Variants in PDSS2 observed in about 807,000 individuals in gnomAD.
The protein encoded by PDSS2 is all trans-polyprenyl-diphosphate synthase PDSS2.
A neutral mutation model predicts 44.5 loss-of-function variants in PDSS2; 31 were observed. The observed-to-expected ratio is 0.70, with a 90% CI of 0.52 to 0.94. The LOEUF is 0.94. Ranked by LOEUF, PDSS2 falls within the 40% of genes least tolerant of loss-of-function variation. The pLI, the probability that PDSS2 is intolerant of heterozygous loss-of-function variation, is 0.00. For missense variants in PDSS2, 452 were observed against 482.2 expected (o/e 0.94, Z 0.59); for synonymous variants, 157 against 180.3 (o/e 0.87, Z 1.03).
At chr6:107,339,646 T>G (rs1168515576) in intron 1 of PDSS2, among the ~76,000 whole-genome samples, 1 of 151,974 alleles carries the variant, frequency 6.6e-6, no homozygotes, top group East Asian at 1.9e-4. Flanking sequence ...AAAGTAACTT[T>G]GCAGGAAAGT....
intron 1 of PDSS2, among the ~76,000 whole-genome samples, chr6:107,446,422 G>C (rs1402351838): frequency 2.6e-5 from 4 of 152,146 alleles, no homozygotes; most frequent in African/African-American, 4.8e-5. Context: ...AATAGCTATA[G>C]AACACTAAAA....
intron 2 of PDSS2, among the ~76,000 whole-genome samples, chr6:107,301,705 T>C (rs1323710588): frequency 2.0e-5 from 3 of 152,060 alleles, no homozygotes; most frequent in Non-Finnish European, 4.4e-5. Flanking sequence ...GGCTCACACC[T>C]GTAAGCCCAG....
intron 7 of PDSS2, among the ~76,000 whole-genome samples, chr6:107,158,872 G>C (rs542510577): frequency 5.3e-5 from 8 of 152,034 alleles, no homozygotes; most frequent in Admixed American, 3.9e-4. Context: ...GGGATTACAG[G>C]TGCCCACCGC....
At chr6:107,421,715 C>T (rs1205886666) in intron 1 of PDSS2, among the ~76,000 whole-genome samples, 3 of 150,934 alleles carry the variant, frequency 2.0e-5, no homozygotes, top group Admixed American at 1.3e-4. Context: ...TCTCAAAGTG[C>T]AACACCAGGA....
Position 107,193,808 on chromosome 6 carries a change from T to TA in PDSS2, c.1041+13dup. On this transcript the variant is annotated intron_variant, in intron 7 of 7. Transcript: ENST00000369037. Reference sequence around the variant, plus strand: ...AATGTGTAAAATAGTACAGTATGTATAAAATCTGCCTACCTTAGCATAGTC... The same window carrying TA: ...AATGTGTAAAATAGTACAGTATGTATAAAAATCTGCCTACCTTAGCATAGTC... 1 of 1,487,674 alleles carries TA rather than the reference T, an allele frequency of 6.7e-7. No homozygotes were observed. The highest frequency in any genetic ancestry group is 9.4e-7 in the Non-Finnish European group (1 of 1,064,446). The allele number at this position is 1,487,674 out of a possible 1,614,324, so 92.2% of individuals were successfully genotyped here. A position where few individuals can be genotyped will look rare whatever the true frequency, so the allele number is the denominator to read the frequency against.
chr6:107,211,644 C>A (rs535074046), intron 5 of PDSS2, among the ~76,000 whole-genome samples: 1 of 150,782 alleles, frequency 6.6e-6, no homozygotes, highest in Non-Finnish European at 1.5e-5. Flanking sequence ...GCAGGAGAAT[C>A]GCTTGAACCT....
At chr6:107,359,323 A>G (rs2114264305) in intron 1 of PDSS2, among the ~76,000 whole-genome samples, 1 of 151,960 alleles carries the variant, frequency 6.6e-6, no homozygotes, top group South Asian at 2.1e-4. Context: ...GTATTCTCTT[A>G]AAGATTACTT....
intron 1 of PDSS2, among the ~76,000 whole-genome samples, chr6:107,360,075 T>C (rs766178969): frequency 6.6e-6 from 1 of 152,192 alleles, no homozygotes; most frequent in East Asian, 1.9e-4. Flanking sequence ...TTGTTCTTGG[T>C]ATATAAATTT....
At chr6:107,399,307 A>G (rs973506081) in intron 1 of PDSS2, among the ~76,000 whole-genome samples, 3 of 152,188 alleles carry the variant, frequency 2.0e-5, no homozygotes, top group Admixed American at 6.5e-5. Context: ...CCATTTTCAG[A>G]GTTGTGACTA....
intron 1 of PDSS2, among the ~76,000 whole-genome samples, chr6:107,425,403 AT>A (rs1310468639): frequency 6.6e-6 from 1 of 152,220 alleles, no homozygotes; most frequent in Non-Finnish European, 1.5e-5. Context: ...TGACAGTGAT[AT>A]GAACAATAAG....
intron 2 of PDSS2, among the ~76,000 whole-genome samples, chr6:107,324,677 T>TA (rs1423122183): frequency 6.6e-6 from 1 of 152,138 alleles, no homozygotes; most frequent in East Asian, 1.9e-4. Context: ...CATGTTATCT[T>TA]AAAAACAAAA....
At chr6:107,417,417 G>A (rs1012770490) in intron 1 of PDSS2, among the ~76,000 whole-genome samples, 1 of 152,128 alleles carries the variant, frequency 6.6e-6, no homozygotes, top group Non-Finnish European at 1.5e-5. Flanking sequence ...ACTAAAAAAT[G>A]TTTATAATTT....
intron 7 of PDSS2, among the ~76,000 whole-genome samples, chr6:107,183,320 T>C (rs1772051181): frequency 6.6e-6 from 1 of 151,988 alleles, no homozygotes; most frequent in Admixed American, 6.6e-5. Flanking sequence ...ATATTACAAG[T>C]CCCTTATGGA....
chr6:107,416,812 T>G (rs187765067), intron 1 of PDSS2, among the ~76,000 whole-genome samples: 6 of 150,798 alleles, frequency 4.0e-5, no homozygotes, highest in African/African-American at 1.5e-4. Context: ...ATTAAAGAAA[T>G]AAAACAGAAC....
chr6:107,304,823 C>T (rs1017482401), intron 2 of PDSS2, among the ~76,000 whole-genome samples: 9 of 152,110 alleles, frequency 5.9e-5, no homozygotes, highest in African/African-American at 1.9e-4. Flanking sequence ...GCAGCAATAC[C>T]TGAACCTGTG....
At chr6:107,245,418 CAAAAAAAAAAAAAAAA>C (rs35614951) in intron 4 of PDSS2, 114 bp downstream of exon 4, 2 of 120,350 alleles carry the variant, frequency 1.7e-5, no homozygotes, top group Admixed American at 3.5e-4. Context: ...AAACACTAAT[CAAAAAAAAAAAAAAAA>C]AAAAAAAAAA....
intron 3 of PDSS2, among the ~76,000 whole-genome samples, chr6:107,270,494 A>C (rs531775200): frequency 1.8e-4 from 27 of 152,248 alleles, no homozygotes; most frequent in African/African-American, 4.3e-4. Context: ...CTCCCAAATC[A>C]TATAGTTCAG....
intron 1 of PDSS2, among the ~76,000 whole-genome samples, chr6:107,408,866 C>A (rs1780404139): frequency 6.6e-6 from 1 of 152,118 alleles, no homozygotes; most frequent in Non-Finnish European, 1.5e-5. Context: ...CATGAACACT[C>A]CAAGCTACGA....
chr6:107,167,177 T>G (rs368229096), intron 7 of PDSS2, among the ~76,000 whole-genome samples: 2 of 152,070 alleles, frequency 1.3e-5, no homozygotes, highest in Non-Finnish European at 2.9e-5. Context: ...GTCTATTCAG[T>G]GATTCAACTT....
Sources: allele counts gnomAD v4.1 joint callset (sites outside exome capture counted in the v4.1 genomes callset), GRCh38; gene constraint gnomAD v4.1.1; transcripts MANE v1.5; gene names NCBI Gene and HGNC (gene_info 2026-07-23, HGNC 2026-07-21).